GARNL3: variants seen among roughly 807,000 people sequenced by gnomAD.
The protein encoded by GARNL3 is GTPase activating Rap/RanGAP domain like 3.
A neutral mutation model predicts 125.0 loss-of-function variants in GARNL3; 63 were observed. The ratio of observed to expected loss-of-function variants is 0.50; its 90% CI spans 0.41 to 0.62. GARNL3 has a LOEUF of 0.62. GARNL3 is among the 20% of genes least tolerant of loss of function. The pLI, the probability that GARNL3 is intolerant of heterozygous loss-of-function variation, is 0.00. For synonymous variants in GARNL3, 439 were observed against 457.5 expected (o/e 0.96, Z 0.52); for missense variants, 994 against 1,244.0 (o/e 0.80, Z 3.02).
chr9:127,352,723 T>C (rs1196160227), intron 17 of GARNL3, among the ~76,000 whole-genome samples: 1 of 152,166 alleles, frequency 6.6e-6, no homozygotes, highest in Non-Finnish European at 1.5e-5. Context: ...CTCTCCCCAC[T>C]GTGGGGGCAG....
chr9:127,232,776 T>C (rs2063041711), intron 1 of GARNL3, among the ~76,000 whole-genome samples: 1 of 152,258 alleles, frequency 6.6e-6, no homozygotes, highest in African/African-American at 2.4e-5. Context: ...CTCCAGGTGC[T>C]TGAATAATGA....
chr9:127,300,540 C>T (rs186285243), intron 2 of GARNL3: 1 of 337,458 alleles, frequency 3.0e-6, no homozygotes, highest in Non-Finnish European at 5.6e-6. Context: ...CTGCAACCTC[C>T]ACCTCCCAGG....
At chr9:127,332,385 C>G in intron 8 of GARNL3, 36 bp downstream of exon 8, 2 of 1,511,774 alleles carry the variant, frequency 1.3e-6, no homozygotes, top group Non-Finnish European at 1.8e-6. Flanking sequence ...CTGCCAGAGA[C>G]CCTGTCCTGC....
Position 127,292,073 on chromosome 9 carries a change from A to G in GARNL3, c.219+831A>G, listed in dbSNP as rs116475796. 4.2e-3 allele frequency among the ~76,000 whole-genome samples: 641 copies of G among 152,268 alleles called. 6 individuals carry two copies. The highest frequency in any genetic ancestry group is 0.015 in the African/African-American group (618 of 41,540). ...GGTTATTGTTATTGTCATCACTGCCACATTGCCGGTTTTCTCCTGACCACC... is the reference window on the plus strand; with the variant it reads ...GGTTATTGTTATTGTCATCACTGCCGCATTGCCGGTTTTCTCCTGACCACC... On this transcript the variant is annotated intron_variant, in intron 2 of 27. Transcript: ENST00000373387.
intron 16 of GARNL3, among the ~76,000 whole-genome samples, chr9:127,348,010 A>G (rs1174055392): frequency 6.6e-6 from 1 of 152,190 alleles, no homozygotes; most frequent in Non-Finnish European, 1.5e-5. Flanking sequence ...GAGTATGCAA[A>G]TGCATGTTTG....
At chr9:127,248,596 CTTTTTTT>C (rs745331884) in intron 2 of GARNL3, among the ~76,000 whole-genome samples, 75 of 74,570 alleles carry the variant, frequency 1.0e-3, no homozygotes, top group South Asian at 8.3e-3. Context: ...TTTTTCTTTT[CTTTTTTT>C]TTTTTTTTTT....
rs183474217 is a variant in GARNL3 at position 127,390,699 on chromosome 9, C to T, written c.2802C>T (p.Pro934=). ...SEGAPKAKSK[P]RKRLEESQGG... is the part of the protein sequence containing the mutation. Reference sequence around the variant, plus strand: ...GAGCGCCAAAGGCCAAATCAAAACCCCGGAAGCGGTTAGAAGAAAGCCAAG... The same window carrying T: ...GAGCGCCAAAGGCCAAATCAAAACCTCGGAAGCGGTTAGAAGAAAGCCAAG... The change falls in exon 27 of 28, where the codon CCC becomes CCT. Residue 934 remains proline, a synonymous_variant. Transcript: ENST00000373387. 10 of 1,613,834 alleles carry T rather than the reference C, an allele frequency of 6.2e-6. No individual in the cohort carries two copies. The Middle Eastern group carries it at 9.9e-4, about 159-fold the overall frequency.
At position 127,320,785 on chromosome 9, in the gene GARNL3, G is replaced by C; in HGVS notation, c.567+7G>C. The C allele has an allele frequency of 6.3e-7, 1 of 1,576,874 alleles. No homozygotes were observed. Among genetic ancestry groups the C allele is most frequent in the South Asian group, 1.1e-5 (1 of 90,180 alleles). On this transcript the variant is annotated splice_region_variant and intron_variant, in intron 6 of 27. Transcript: ENST00000373387. ...TCATCCTGAAATACAAAAGGTAACA[G>C]AAAATTTTATGCTTCATAATTGTAC...
chr9:127,232,166 C>G (rs890062611), intron 1 of GARNL3, among the ~76,000 whole-genome samples: 2 of 152,196 alleles, frequency 1.3e-5, no homozygotes, highest in South Asian at 2.1e-4. Flanking sequence ...TCATGATGCT[C>G]TCATGGCCAC....
chr9:127,354,305 C>T lies in GARNL3; in HGVS notation c.1654C>T (p.Arg552Cys), dbSNP rs1399422041. Reference protein sequence around the residue: ...VLRADKGKDARLFVFRLSALQ... With the variant: ...VLRADKGKDACLFVFRLSALQ... ...TTTTATGTCACCAGGAAAAGATGCTCGCCTCTTTGTCTTCAGGCTAAGTGC... is the reference window on the plus strand; with the variant it reads ...TTTTATGTCACCAGGAAAAGATGCTTGCCTCTTTGTCTTCAGGCTAAGTGC... The change falls in exon 19 of 28, where the codon CGC becomes TGC. Residue 552 changes from arginine (R) to cysteine (C), a missense_variant. Physicochemically the swap from Arg to Cys is radical, Grantham distance 180. Around this residue, in one of 5 missense-constraint regions of GARNL3, gnomAD observed 728 missense variants for 865.7 expected, o/e 0.84. Transcript: ENST00000373387. 5.6e-6 allele frequency: 9 copies of T among 1,612,310 alleles called. No individual in the cohort carries two copies. Among genetic ancestry groups the T allele is most frequent in the South Asian group, 1.1e-5 (1 of 90,940 alleles).
chr9:127,345,668 T>C (rs1022099981), intron 16 of GARNL3, among the ~76,000 whole-genome samples, 191 bp downstream of exon 16: 1 of 152,228 alleles, frequency 6.6e-6, no homozygotes, highest in Admixed American at 6.5e-5. Context: ...GGTATGCACA[T>C]GCCTTCACCT....
At chr9:127,295,330 G>C (rs2064555662) in intron 2 of GARNL3, among the ~76,000 whole-genome samples, 3 of 152,184 alleles carry the variant, frequency 2.0e-5, no homozygotes, top group Non-Finnish European at 4.4e-5. Flanking sequence ...GTTCATCTGG[G>C]CCAATCCCCT....
intron 2 of GARNL3, among the ~76,000 whole-genome samples, chr9:127,304,874 T>A (rs1365044740): frequency 6.6e-6 from 1 of 151,914 alleles, no homozygotes; most frequent in Non-Finnish European, 1.5e-5. Context: ...CCAGAAACAA[T>A]CCAAATGTCC....
intron 1 of GARNL3, among the ~76,000 whole-genome samples, chr9:127,265,268 T>A (rs1196615137): frequency 2.0e-5 from 3 of 152,240 alleles, no homozygotes; most frequent in Non-Finnish European, 4.4e-5. Flanking sequence ...GCTTGGTATT[T>A]TTCTCTGTGT....
At position 127,392,869 on chromosome 9, in the gene GARNL3, C is replaced by T. The variant is rs200543104; in HGVS notation, c.2871-214C>T. On this transcript the variant is annotated intron_variant, in intron 27 of 27. Transcript: ENST00000373387. The surrounding 1 kb of genome is among the most constrained non-coding windows in gnomAD (Gnocchi z 5.2). The stretch of plus-strand genomic sequence containing the variant: ...AGGTAGGTAAATAATGCCTCACAAA[C>T]ACCTTCCATGTGTCACACACTCGGC... Among the ~76,000 whole-genome samples the T allele has an allele frequency of 1.3e-5, 2 of 152,210 alleles. No homozygotes were observed. The highest frequency in any genetic ancestry group is 2.9e-5 in the Non-Finnish European group (2 of 68,038).
intron 7 of GARNL3, among the ~76,000 whole-genome samples, chr9:127,327,814 A>G (rs895450546): frequency 2.0e-5 from 3 of 152,362 alleles, no homozygotes; most frequent in African/African-American, 7.2e-5. Flanking sequence ...TCTGGTAAAA[A>G]TTTGAAAAAG....
rs578079713 is a variant in GARNL3, at chr9:127,327,599, A to G, written c.594+2504A>G. Reference sequence around the variant, plus strand: ...TTATTTTTTAAGAGAGGGTCTCGCTATATTGCCCACGCTGACTTCCAACTC... The same window carrying G: ...TTATTTTTTAAGAGAGGGTCTCGCTGTATTGCCCACGCTGACTTCCAACTC... On this transcript the variant is annotated intron_variant, in intron 7 of 27. Transcript: ENST00000373387. 6.6e-5 allele frequency among the ~76,000 whole-genome samples: 10 copies of G among 152,232 alleles called. No individual in the cohort carries two copies. In the South Asian group the frequency reaches 1.5e-3, roughly 22 times the overall value.
intron 1 of GARNL3, among the ~76,000 whole-genome samples, chr9:127,290,952 A>G (rs867040256): frequency 1.6e-4 from 25 of 151,556 alleles, no homozygotes; most frequent in African/African-American, 6.1e-4. Flanking sequence ...TTGTTTTTCC[A>G]CTCTTGCAGG....
Position 127,393,640 on chromosome 9 carries a change from AG to A in GARNL3, c.*387del, listed in dbSNP as rs1213569623. On this transcript the variant is annotated 3_prime_UTR_variant, in exon 28 of 28. Transcript: ENST00000373387. ...ATAATGTGTTTCTTTTATAAAGAAA[AG>A]TCGTTGCTTTTTAACTTTATTATAA... 6.5e-6 allele frequency: 1 copy of A among 153,528 alleles called. No individual in the cohort carries two copies. Among genetic ancestry groups the A allele is most frequent in the Non-Finnish European group, 1.4e-5 (1 of 68,988 alleles). The allele number at this position is 153,528 out of a possible 1,614,324, so 9.5% of individuals were successfully genotyped here. A position where few individuals can be genotyped will look rare whatever the true frequency, so the allele number is the denominator to read the frequency against.
Sources: allele counts gnomAD v4.1 joint callset (sites outside exome capture counted in the v4.1 genomes callset), GRCh38; gene constraint gnomAD v4.1.1; regional missense constraint gnomAD v4.1.1; non-coding constraint Gnocchi (gnomAD v3.1); transcripts MANE v1.5; gene names NCBI Gene and HGNC (gene_info 2026-07-23, HGNC 2026-07-21).